The following SUMF1 variants were observed in gnomAD, a reference collection of about 807,000 sequenced individuals.
SUMF1 encodes the protein formylglycine-generating enzyme.
In SUMF1, 48 loss-of-function variants were observed where a neutral mutation model predicts 47.6. The observed-to-expected ratio is 1.01, with a 90% CI of 0.80 to 1.28. The LOEUF is 1.28. SUMF1 is among the 50% of genes most tolerant of loss of function. The pLI is 0.00. For synonymous variants in SUMF1, 230 were observed against 192.1 expected (o/e 1.20, Z -1.63); for missense variants, 571 against 485.4 (o/e 1.18, Z -1.66).
At chr3:4,239,350 T>C (rs928607418) in intron 8 of SUMF1, among the ~76,000 whole-genome samples, 1 of 152,188 alleles carries the variant, frequency 6.6e-6, no homozygotes, top group Non-Finnish European at 1.5e-5. Flanking sequence ...ATTGAATCTA[T>C]AGATTACTTT....
chr3:4,274,348 G>A (rs1401818151), intron 8 of SUMF1, among the ~76,000 whole-genome samples: 3 of 152,076 alleles, frequency 2.0e-5, no homozygotes, highest in Admixed American at 6.6e-5. Flanking sequence ...GATGGGGAGG[G>A]AAAAGACCTA....
chr3:4,435,182 C>T (rs1227535226), intron 3 of SUMF1, among the ~76,000 whole-genome samples: 2 of 152,148 alleles, frequency 1.3e-5, no homozygotes, highest in Non-Finnish European at 2.9e-5. Flanking sequence ...CCACCTCGGC[C>T]GCCCAAAGTG....
At chr3:4,366,005 G>T (rs940482194) in intron 8 of SUMF1, among the ~76,000 whole-genome samples, 19 of 151,646 alleles carry the variant, frequency 1.3e-4, no homozygotes, top group Non-Finnish European at 2.1e-4. Flanking sequence ...TGAAATTCTG[G>T]GTTGAAAATT....
intron 8 of SUMF1, chr3:4,316,734 G>A (rs1698672185): frequency 6.4e-7 from 1 of 1,550,728 alleles, no homozygotes; most frequent in South Asian, 1.2e-5. Flanking sequence ...GTTGGATCAA[G>A]AAGAAGCTCC....
At position 4,184,015 on chromosome 3, in the gene SUMF1, G is replaced by C. The variant is rs111250960; in HGVS notation, c.1015-115270C>G. On this transcript the variant is annotated intron_variant and NMD_transcript_variant, in intron 8 of 12. Transcript: ENST00000448413. ...TCGGGCATTGTGGCACATGCCTGCAGTCCCACCTACTCGGGAGGCTGAAGT... is the reference window on the plus strand; with the variant it reads ...TCGGGCATTGTGGCACATGCCTGCACTCCCACCTACTCGGGAGGCTGAAGT... 2.8e-4 allele frequency among the ~76,000 whole-genome samples: 43 copies of C among 152,010 alleles called. 3 individuals carry two copies. The highest frequency in any genetic ancestry group is 1.0e-3 in the African/African-American group (42 of 41,452).
chr3:4,042,409 C>G (rs1458878013), intron 9 of SUMF1, among the ~76,000 whole-genome samples: 1 of 151,984 alleles, frequency 6.6e-6, no homozygotes, highest in South Asian at 2.1e-4. Flanking sequence ...TTCTCATATT[C>G]GTATACCTGA....
chr3:4,209,142 A>C (rs964139110), intron 8 of SUMF1, among the ~76,000 whole-genome samples: 1 of 152,186 alleles, frequency 6.6e-6, no homozygotes, highest in Admixed American at 6.5e-5. Context: ...TTATCCTTTT[A>C]ATGATTCAAT....
intron 8 of SUMF1, among the ~76,000 whole-genome samples, chr3:4,152,522 G>C (rs1403174531): frequency 6.0e-5 from 9 of 150,820 alleles, no homozygotes; most frequent in African/African-American, 2.0e-4. Flanking sequence ...CAAACTCCTG[G>C]GCTCAAGTGA....
chr3:4,231,179 C>T (rs923829582), intron 8 of SUMF1, among the ~76,000 whole-genome samples: 14 of 152,032 alleles, frequency 9.2e-5, no homozygotes, highest in African/African-American at 3.4e-4. Flanking sequence ...TAGGCACAAT[C>T]GAGTTTTGAG....
At chr3:4,203,634 G>C (rs1013537390) in intron 8 of SUMF1, among the ~76,000 whole-genome samples, 3 of 151,810 alleles carry the variant, frequency 2.0e-5, no homozygotes, top group African/African-American at 7.2e-5. Flanking sequence ...GTTGTTATTT[G>C]TTTTCTGGTT....
chr3:4,394,695 C>T (rs1393099572), intron 7 of SUMF1, among the ~76,000 whole-genome samples: 2 of 152,104 alleles, frequency 1.3e-5, no homozygotes, highest in Non-Finnish European at 2.9e-5. Context: ...TAGCAATAGC[C>T]ATAGTGTTTT....
chr3:4,091,575 A>T (rs1337798935), intron 8 of SUMF1, among the ~76,000 whole-genome samples: 4 of 152,136 alleles, frequency 2.6e-5, no homozygotes, highest in African/African-American at 9.7e-5. Flanking sequence ...GTTGACAAAA[A>T]ACCTGTTGCA....
chr3:4,420,288 A>G lies in SUMF1; in HGVS notation c.520-142T>C. On this transcript the variant is annotated intron_variant, in intron 3 of 8. Transcript: ENST00000272902. ...CAAATACATTTGCCAGAATACCAAA[A>G]TAAAGACTTATATGTAAATAAATCT... is the stretch of plus-strand genomic sequence containing the variant. 3 of 710,796 alleles carry G rather than the reference A, an allele frequency of 4.2e-6. No homozygotes were observed. The South Asian group carries it at 4.6e-5, about 11-fold the overall frequency. 44.0% of individuals were successfully genotyped at this position (710,796 alleles called of 1,614,324 possible).
chr3:4,132,576 C>T (rs1439009662), intron 8 of SUMF1, among the ~76,000 whole-genome samples: 1 of 152,108 alleles, frequency 6.6e-6, no homozygotes, highest in African/African-American at 2.4e-5. Flanking sequence ...AAGTGATCCA[C>T]TAGCAAAATT....
At chr3:4,082,548 T>A (rs1692583462) in intron 8 of SUMF1, among the ~76,000 whole-genome samples, 1 of 152,136 alleles carries the variant, frequency 6.6e-6, no homozygotes, top group African/African-American at 2.4e-5. Flanking sequence ...ATTTAAAATG[T>A]TCCAACAGAT....
intron 8 of SUMF1, among the ~76,000 whole-genome samples, chr3:4,306,456 G>T (rs1559213228): frequency 6.6e-6 from 1 of 152,174 alleles, no homozygotes; most frequent in Non-Finnish European, 1.5e-5. Context: ...TACATCTACA[G>T]TTGGTGGGCA....
intron 8 of SUMF1, among the ~76,000 whole-genome samples, chr3:4,334,935 A>G (rs975680235): frequency 2.6e-5 from 4 of 152,356 alleles, no homozygotes; most frequent in Admixed American, 6.5e-5. Context: ...GCTTAATATA[A>G]GAGATCACTA....
intron 8 of SUMF1, among the ~76,000 whole-genome samples, chr3:4,237,540 T>C (rs1476237854): frequency 6.6e-6 from 1 of 152,140 alleles, no homozygotes; most frequent in Non-Finnish European, 1.5e-5. Flanking sequence ...TCCTTTATCA[T>C]ACATGTCTTT....
chr3:4,250,762 G>C (rs1054849862), intron 8 of SUMF1, among the ~76,000 whole-genome samples: 2 of 152,102 alleles, frequency 1.3e-5, no homozygotes, highest in African/African-American at 4.8e-5. Context: ...ACAAAGCCGA[G>C]ATGCAATCAT....
Sources: allele counts gnomAD v4.1 joint callset (sites outside exome capture counted in the v4.1 genomes callset), GRCh38; gene constraint gnomAD v4.1.1; transcripts MANE v1.5; gene names NCBI Gene and HGNC (gene_info 2026-07-23, HGNC 2026-07-21).